TRAT1: variants seen among roughly 807,000 people sequenced by gnomAD.
TRAT1 encodes the protein T cell receptor associated transmembrane adaptor 1.
TRAT1 carries 20 observed loss-of-function variants against 20.0 expected under a neutral mutation model. The ratio of observed to expected loss-of-function variants is 1.00; its 90% CI spans 0.70 to 1.45. The LOEUF is 1.45. Ranked by LOEUF, TRAT1 falls within the 40% of genes most tolerant of loss-of-function variation. The pLI, the probability that TRAT1 is intolerant of heterozygous loss-of-function variation, is 0.00. For synonymous variants in TRAT1, 77 were observed against 74.2 expected, an observed-to-expected ratio of 1.04 and a Z score of -0.20; for missense variants, 237 against 224.1, an observed-to-expected ratio of 1.06 and a Z score of -0.37.
intron 3 of TRAT1, among the ~76,000 whole-genome samples, chr3:108,844,284 G>A (rs11713064): frequency 4.0e-5 from 6 of 151,180 alleles, no homozygotes; most frequent in Non-Finnish European, 8.8e-5. Context: ...TAAACTTAGA[G>A]AATTTAAGTC....
chr3:108,830,915 C>T (rs1693203723), intron 2 of TRAT1, 135 bp downstream of exon 2: 2 of 626,112 alleles, frequency 3.2e-6, no homozygotes, highest in Non-Finnish European at 5.6e-6. Flanking sequence ...AATCTATTTG[C>T]TAATTTTTCT....
At chr3:108,839,024 T>A in intron 3 of TRAT1, 57 bp downstream of exon 3, 1 of 1,318,594 alleles carries the variant, frequency 7.6e-7, no homozygotes, top group Non-Finnish European at 1.1e-6. Flanking sequence ...AAAGTAACAA[T>A]GCTATATTGT....
intron 2 of TRAT1, among the ~76,000 whole-genome samples, chr3:108,832,678 C>G (rs760967060): frequency 3.7e-4 from 56 of 152,278 alleles, no homozygotes; most frequent in Non-Finnish European, 7.3e-4. Context: ...TAGTACCTCA[C>G]TCTTTCATTG....
chr3:108,853,132 T>C (rs62266466), intron 5 of TRAT1, among the ~76,000 whole-genome samples: 8,276 of 152,328 alleles, frequency 0.054, 302 homozygotes, highest in Middle Eastern at 0.12. Context: ...ATCTTTATAC[T>C]TCTGAATCTT....
intron 2 of TRAT1, among the ~76,000 whole-genome samples, chr3:108,830,990 T>G (rs921178054): frequency 2.0e-5 from 3 of 152,230 alleles, no homozygotes; most frequent in Non-Finnish European, 4.4e-5. Flanking sequence ...TTATCCAATT[T>G]AGGAACTCTT....
intron 5 of TRAT1, among the ~76,000 whole-genome samples, chr3:108,852,135 C>G (rs1241284217): frequency 9.9e-5 from 15 of 152,198 alleles, no homozygotes; most frequent in Admixed American, 9.8e-4. Context: ...AATCCCAGCA[C>G]TTTGGGAGGC....
At chr3:108,828,868 A>G (rs551237593) in intron 1 of TRAT1, among the ~76,000 whole-genome samples, 1 of 151,726 alleles carries the variant, frequency 6.6e-6, no homozygotes, top group East Asian at 1.9e-4. Flanking sequence ...CCCTTAAGAA[A>G]TTTTGAAAAC....
chr3:108,841,447 T>G (rs1443625121), intron 3 of TRAT1, among the ~76,000 whole-genome samples: 2 of 152,064 alleles, frequency 1.3e-5, no homozygotes, highest in African/African-American at 2.4e-5. Context: ...AACTAAAAAC[T>G]ATCTGAATCC....
At chr3:108,841,585 C>T (rs180820677) in intron 3 of TRAT1, among the ~76,000 whole-genome samples, 8 of 152,238 alleles carry the variant, frequency 5.3e-5, no homozygotes, top group African/African-American at 1.2e-4. Context: ...TTCTATCGCA[C>T]TGGGTTCTCT....
chr3:108,835,629 C>G (rs80152258), intron 2 of TRAT1, among the ~76,000 whole-genome samples: 2,266 of 152,252 alleles, frequency 0.015, 60 homozygotes, highest in African/African-American at 0.052. Context: ...CATTTACATC[C>G]TAAAAGTAGC....
At chr3:108,837,613 A>G (rs1490598140) in intron 2 of TRAT1, among the ~76,000 whole-genome samples, 2 of 152,230 alleles carry the variant, frequency 1.3e-5, no homozygotes, top group Admixed American at 6.5e-5. Context: ...TTGAAAGATA[A>G]TCATTTGGTC....
chr3:108,849,757 T>TA (rs1390664347), intron 5 of TRAT1, among the ~76,000 whole-genome samples: 1 of 152,170 alleles, frequency 6.6e-6, no homozygotes, highest in Non-Finnish European at 1.5e-5. Context: ...GATTGCAAAA[T>TA]ATACACACAG....
chr3:108,849,333 G>A (rs1945975587), intron 5 of TRAT1, 79 bp downstream of exon 5: 3 of 1,229,376 alleles, frequency 2.4e-6, no homozygotes, highest in Non-Finnish European at 3.5e-6. Flanking sequence ...ATCTGAAATA[G>A]CCTGTTAGAA....
At chr3:108,828,099 T>C (rs1027094376) in intron 1 of TRAT1, among the ~76,000 whole-genome samples, 8 of 152,158 alleles carry the variant, frequency 5.3e-5, no homozygotes, top group African/African-American at 1.9e-4. Flanking sequence ...CAGTGTAATT[T>C]AAAAAATAAG....
intron 1 of TRAT1, among the ~76,000 whole-genome samples, chr3:108,828,661 CTTCT>C (rs1945764823): frequency 6.6e-6 from 1 of 152,136 alleles, no homozygotes; most frequent in African/African-American, 2.4e-5. Flanking sequence ...TTTCATATGG[CTTCT>C]TTGTCTTAAA....
intron 2 of TRAT1, among the ~76,000 whole-genome samples, chr3:108,834,018 A>G (rs910234557): frequency 1.3e-5 from 2 of 152,050 alleles, no homozygotes; most frequent in Non-Finnish European, 2.9e-5. Context: ...TTCTCTGGCT[A>G]CTTTGCTGCT....
intron 1 of TRAT1, among the ~76,000 whole-genome samples, chr3:108,827,230 G>T (rs1368020066): frequency 1.3e-5 from 2 of 152,030 alleles, no homozygotes; most frequent in African/African-American, 4.8e-5. Flanking sequence ...TGATACTAAA[G>T]GTTACACTTG....
intron 5 of TRAT1, among the ~76,000 whole-genome samples, chr3:108,849,643 T>C (rs1367673396): frequency 6.6e-6 from 1 of 152,174 alleles, no homozygotes; most frequent in Non-Finnish European, 1.5e-5. Flanking sequence ...AGACCTTTAG[T>C]TATAAGATAA....
At chr3:108,851,632 A>T (rs1340160659) in intron 5 of TRAT1, among the ~76,000 whole-genome samples, 1 of 143,916 alleles carries the variant, frequency 6.9e-6, no homozygotes, top group East Asian at 1.9e-4. Context: ...CAATATTAAA[A>T]AAAAAAAAAA....
Sources: gnomAD v4.1 joint callset for allele counts (sites outside exome capture counted in the v4.1 genomes callset) on GRCh38, gnomAD v4.1.1 for gene constraint, MANE v1.5 for transcripts, NCBI Gene and HGNC (gene_info 2026-07-23, HGNC 2026-07-21) for gene names.